The following KPNA5 variants were observed in gnomAD, a reference collection of about 807,000 sequenced individuals.
KPNA5 encodes the protein importin subunit alpha-6.
In KPNA5, 46 loss-of-function variants were observed where a neutral mutation model predicts 71.3. The observed-to-expected ratio is 0.65, with a 90% CI of 0.51 to 0.83. The LOEUF (loss-of-function observed/expected upper bound fraction) is 0.83. KPNA5 is among the 40% of genes least tolerant of loss of function. The pLI, the probability that KPNA5 is intolerant of heterozygous loss-of-function variation, is 0.00. For missense variants in KPNA5, 547 were observed against 628.3 expected (o/e 0.87, Z 1.38); for synonymous variants, 207 against 201.4 (o/e 1.03, Z -0.24).
chr6:116,682,162 A>G (rs927642956), intron 1 of KPNA5, among the ~76,000 whole-genome samples: 2 of 151,944 alleles, frequency 1.3e-5, no homozygotes, highest in Non-Finnish European at 2.9e-5. Flanking sequence ...AATACCAAAA[A>G]TACAAAAAAA....
At chr6:116,731,789 T>C (rs1779492323) in intron 13 of KPNA5, among the ~76,000 whole-genome samples, 1 of 151,830 alleles carries the variant, frequency 6.6e-6, no homozygotes. Flanking sequence ...ACCTGTGGAG[T>C]TAATCTAAAA....
rs1779760473 is a variant in KPNA5, at chr6:116,738,734, A to G, written c.*6411A>G. On this transcript the variant is annotated 3_prime_UTR_variant, in exon 14 of 14. Coordinates refer to ENST00000368564, the MANE Select transcript of KPNA5 (RefSeq NM_001366306.2). ...TAAATGTAATCCAGCATATAAACAG[A>G]ACCAAAGACAAAAAACACATGATTA... The G allele has an allele frequency of 6.6e-6, 1 of 152,178 alleles. No homozygotes were observed. The highest frequency in any genetic ancestry group is 1.5e-5 in the Non-Finnish European group (1 of 68,040). The allele number at this position is 152,178 out of a possible 1,614,324, so 9.4% of individuals were successfully genotyped here.
chr6:116,682,352 C>T (rs768158668), intron 1 of KPNA5, among the ~76,000 whole-genome samples: 1 of 145,702 alleles, frequency 6.9e-6, no homozygotes, highest in Non-Finnish European at 1.5e-5. Context: ...GAATATGACA[C>T]TGGCATTTAC....
At chr6:116,681,619 G>A in intron 1 of KPNA5, 1 of 1,018,994 alleles carries the variant, frequency 9.8e-7, no homozygotes, top group Non-Finnish European at 1.2e-6. Flanking sequence ...TCGCCGCCCC[G>A]CCTCACCGTT....
chr6:116,689,901 A>G (rs1777726475), intron 2 of KPNA5, among the ~76,000 whole-genome samples: 1 of 152,184 alleles, frequency 6.6e-6, no homozygotes, highest in South Asian at 2.1e-4. Flanking sequence ...TATACTTTTC[A>G]TATGTGACAT....
Position 116,736,769 on chromosome 6 carries a change from T to C in KPNA5, c.*4446T>C, listed in dbSNP as rs1779684129. 1 of 152,004 alleles carries C rather than the reference T, an allele frequency of 6.6e-6. No individual in the cohort carries two copies. The highest frequency in any genetic ancestry group is 2.1e-4 in the South Asian group (1 of 4,832). 9.4% of individuals were successfully genotyped at this position (152,004 alleles called of 1,614,324 possible). A position where few individuals can be genotyped will look rare whatever the true frequency, so the allele number is the denominator to read the frequency against. On this transcript the variant is annotated 3_prime_UTR_variant, in exon 14 of 14. Transcript: ENST00000368564. ...TTTGCTCATTTTTGGTTATTTTTCA[T>C]TTTGTATAGTTTTCATTGTTTCGTC... is the stretch of plus-strand genomic sequence containing the variant.
chr6:116,716,276 A>C lies in KPNA5; in HGVS notation c.714A>C (p.Ser238=). The change falls in exon 8 of 14, where the codon TCA becomes TCC. Residue 238 remains serine (S), a synonymous_variant. Transcript: ENST00000368564. ...CAAGAAATGCCGTGTGGGCCCTCTC[A>C]AATTTATGTAGAGGCAAAAACCCTC... ...TTTRNAVWAL[S]NLCRGKNPPP... 1 of 1,613,610 alleles carries C rather than the reference A, an allele frequency of 6.2e-7. No homozygotes were observed. Among genetic ancestry groups the C allele is most frequent in the East Asian group, 2.2e-5 (1 of 44,792 alleles).
rs754187036 is a variant in KPNA5, at chr6:116,736,926, T to C, written c.*4603T>C. ...TCTGTTTTATATCTTCCATTTTTTT[T>C]ATCATACTCAAGCTTTCCTCTGCTG... is the stretch of plus-strand genomic sequence containing the variant. On this transcript the variant is annotated 3_prime_UTR_variant, in exon 14 of 14. Transcript: ENST00000368564. The C allele has an allele frequency of 4.6e-5, 7 of 152,000 alleles. No individual in the cohort carries two copies. The highest frequency in any genetic ancestry group is 1.0e-4 in the Non-Finnish European group (7 of 67,936). The allele number at this position is 152,000 out of a possible 1,614,324, so 9.4% of individuals were successfully genotyped here.
At chr6:116,729,334 T>C (rs766036959) in intron 12 of KPNA5, among the ~76,000 whole-genome samples, 151 of 152,174 alleles carry the variant, frequency 9.9e-4, no homozygotes, top group Admixed American at 1.2e-3. Context: ...GCAAGACCAT[T>C]TATTGCTAAT....
chr6:116,702,197 T>A lies in KPNA5; in HGVS notation c.567+47T>A, dbSNP rs772817551. 5 of 1,568,356 alleles carry A rather than the reference T, an allele frequency of 3.2e-6. No homozygotes were observed. In the South Asian group the frequency reaches 4.7e-5, roughly 15 times the overall value. On this transcript the variant is annotated intron_variant, in intron 6 of 13. Transcript: ENST00000368564. Reference sequence around the variant, plus strand: ...TTGTATGTACTAGAATTCAGTTTTCTCTTGAAAGTACCATTTGTAATTACG... The same window carrying A: ...TTGTATGTACTAGAATTCAGTTTTCACTTGAAAGTACCATTTGTAATTACG...
chr6:116,730,365 A>T (rs1349845002), intron 13 of KPNA5, among the ~76,000 whole-genome samples: 2 of 151,964 alleles, frequency 1.3e-5, no homozygotes, highest in Admixed American at 1.3e-4. Context: ...GGAATTACAG[A>T]TATGAGCCAC....
chr6:116,693,804 C>T (rs1449408919), intron 4 of KPNA5, among the ~76,000 whole-genome samples: 27 of 151,874 alleles, frequency 1.8e-4, no homozygotes, highest in Non-Finnish European at 1.6e-4. Context: ...GACATGAAGT[C>T]CTTGCCCATG....
chr6:116,682,376 A>G (rs574936241), intron 1 of KPNA5, among the ~76,000 whole-genome samples: 48 of 152,318 alleles, frequency 3.2e-4, no homozygotes, highest in African/African-American at 1.1e-3. Flanking sequence ...TGAGCTTTTT[A>G]GACATGTTTT....
At position 116,735,959 on chromosome 6, in the gene KPNA5, A is replaced by ATTCT. The variant is rs1779655499; in HGVS notation, c.*3637_*3638insTCTT. On this transcript the variant is annotated 3_prime_UTR_variant, in exon 14 of 14. Coordinates refer to ENST00000368564, the MANE Select transcript of KPNA5 (RefSeq NM_001366306.2). ...AAGGCCGTATTTTGCCTCTAAGAAA[A>ATTCT]TGTTTTCAAGAAGCAAATTGGTGAA... is the stretch of plus-strand genomic sequence containing the variant. The ATTCT allele has an allele frequency of 1.3e-5, 2 of 151,762 alleles. No individual in the cohort carries two copies. The highest frequency in any genetic ancestry group is 4.8e-5 in the African/African-American group (2 of 41,430). 9.4% of individuals were successfully genotyped at this position (151,762 alleles called of 1,614,324 possible).
intron 6 of KPNA5, among the ~76,000 whole-genome samples, chr6:116,702,708 A>C (rs1295210267): frequency 6.6e-6 from 1 of 152,232 alleles, no homozygotes; most frequent in Non-Finnish European, 1.5e-5. Flanking sequence ...TTAGTAACTT[A>C]CCTAAAGTCA....
rs375204793 is a variant in KPNA5, at chr6:116,710,859, G to T, written c.657-5360G>T. Among the ~76,000 whole-genome samples the T allele has an allele frequency of 1.2e-4, 13 of 111,884 alleles. No individual in the cohort carries two copies. In the East Asian group the frequency reaches 1.4e-3, roughly 12 times the overall value. The allele number at this position is 111,884 out of a possible 152,430, so 73.4% of individuals were successfully genotyped here. On this transcript the variant is annotated intron_variant, in intron 7 of 13. Transcript: ENST00000368564. ...AATGTCTCTACTTTCATTCTTAATT[G>T]TAGTAATATTATTTTATATATATAT...
In KPNA5 at chr6:116,741,696, T is replaced by C. The variant is rs1433314046; in HGVS notation, c.*9373T>C. On this transcript the variant is annotated 3_prime_UTR_variant, in exon 14 of 14. Transcript: ENST00000368564. Reference sequence around the variant, plus strand: ...GGAAAAGAAGATTATTAAACCTTTGTTCTGGGATTTACTGTTAAAAAACAA... The same window carrying C: ...GGAAAAGAAGATTATTAAACCTTTGCTCTGGGATTTACTGTTAAAAAACAA... The C allele has an allele frequency of 6.5e-6, 1 of 152,966 alleles. No individual in the cohort carries two copies. Among genetic ancestry groups the C allele is most frequent in the Non-Finnish European group, 1.5e-5 (1 of 68,086 alleles). The allele number at this position is 152,966 out of a possible 1,614,324, so 9.5% of individuals were successfully genotyped here.
rs574053698 is a variant in KPNA5, at chr6:116,741,046, A to T, written c.*8723A>T. Reference sequence around the variant, plus strand: ...TTTCAGACCTTAAAAATATGCCACTAACTTCTAAGTTGTGATGTGATTACA... The same window carrying T: ...TTTCAGACCTTAAAAATATGCCACTTACTTCTAAGTTGTGATGTGATTACA... On this transcript the variant is annotated 3_prime_UTR_variant, in exon 14 of 14. Transcript: ENST00000368564. The T allele has an allele frequency of 6.6e-6, 1 of 152,286 alleles. No individual in the cohort carries two copies. The highest frequency in any genetic ancestry group is 1.5e-5 in the Non-Finnish European group (1 of 68,016). The allele number at this position is 152,286 out of a possible 1,614,324, so 9.4% of individuals were successfully genotyped here. A position where few individuals can be genotyped will look rare whatever the true frequency, so the allele number is the denominator to read the frequency against.
intron 4 of KPNA5, among the ~76,000 whole-genome samples, chr6:116,695,346 A>G (rs140316200): frequency 2.0e-5 from 3 of 152,236 alleles, no homozygotes; most frequent in Admixed American, 2.0e-4. Context: ...ATAGTACATA[A>G]TTGCCTATTT....
Sources: gnomAD v4.1 joint callset for allele counts (sites outside exome capture counted in the v4.1 genomes callset) on GRCh38, gnomAD v4.1.1 for gene constraint, MANE v1.5 for transcripts, NCBI Gene and HGNC (gene_info 2026-07-23, HGNC 2026-07-21) for gene names.